Variants in HMCN1 observed in about 807,000 individuals in gnomAD.
The protein encoded by HMCN1 is hemicentin 1, also known as hemicentin-1.
HMCN1 carries 321 observed loss-of-function variants against 625.9 expected under a neutral mutation model. That is an observed-to-expected ratio of 0.51 (90% confidence interval 0.47 to 0.56). The LOEUF (loss-of-function observed/expected upper bound fraction) is 0.56. HMCN1 is among the 20% of genes least tolerant of loss of function. The pLI is 0.00. For missense variants in HMCN1, 6,588 were observed against 6,887.3 expected, an observed-to-expected ratio of 0.96 and a Z score of 1.54; for synonymous variants, 2,425 against 2,417.6, an observed-to-expected ratio of 1.00 and a Z score of -0.09.
At chr1:185,950,308 C>T (rs1189223656) in intron 11 of HMCN1, among the ~76,000 whole-genome samples, 1 of 151,616 alleles carries the variant, frequency 6.6e-6, no homozygotes, top group Admixed American at 6.6e-5. Context: ...GTTATGAGAA[C>T]TGTAGAGAGT....
At chr1:186,043,063 A>G (rs1326612815) in intron 40 of HMCN1, among the ~76,000 whole-genome samples, 1 of 152,108 alleles carries the variant, frequency 6.6e-6, no homozygotes, top group Non-Finnish European at 1.5e-5. Flanking sequence ...TTCATGTAGT[A>G]CCTTTTCTTT....
intron 80 of HMCN1, among the ~76,000 whole-genome samples, chr1:186,120,804 T>C (rs1432834870): frequency 1.3e-5 from 2 of 152,226 alleles, no homozygotes; most frequent in Non-Finnish European, 2.9e-5. Flanking sequence ...TCAACATTAA[T>C]AACTGGAAAT....
At chr1:185,905,595 A>G (rs972761274) in intron 4 of HMCN1, among the ~76,000 whole-genome samples, 2 of 151,790 alleles carry the variant, frequency 1.3e-5, no homozygotes, top group Non-Finnish European at 3.0e-5. Context: ...CTGTTCACGA[A>G]TATGTATGTA....
At chr1:185,946,518 T>G (rs1668356361) in intron 11 of HMCN1, among the ~76,000 whole-genome samples, 1 of 152,212 alleles carries the variant, frequency 6.6e-6, no homozygotes, top group Non-Finnish European at 1.5e-5. Flanking sequence ...AACTTTGGCC[T>G]TTCTGTCTTA....
intron 1 of HMCN1, among the ~76,000 whole-genome samples, chr1:185,750,517 T>A (rs1166116514): frequency 6.6e-6 from 1 of 152,138 alleles, no homozygotes; most frequent in Admixed American, 6.5e-5. Flanking sequence ...GGCTAAGGAT[T>A]GTTTTATCTT....
intron 1 of HMCN1, among the ~76,000 whole-genome samples, chr1:185,777,831 C>T (rs1027821107): frequency 6.6e-6 from 1 of 152,230 alleles, no homozygotes; most frequent in Non-Finnish European, 1.5e-5. Flanking sequence ...TAAGTGAAAT[C>T]TTGCTTCCAT....
At chr1:185,813,187 C>T (rs1242546989) in intron 1 of HMCN1, among the ~76,000 whole-genome samples, 2 of 152,086 alleles carry the variant, frequency 1.3e-5, no homozygotes, top group Non-Finnish European at 2.9e-5. Context: ...AATAAGTATA[C>T]TTACATAACT....
At chr1:185,986,142 G>T (rs535655693) in intron 19 of HMCN1, among the ~76,000 whole-genome samples, 1 of 152,158 alleles carries the variant, frequency 6.6e-6, no homozygotes, top group Non-Finnish European at 1.5e-5. Context: ...TGGCATTGTT[G>T]TTTAGGGCTG....
intron 30 of HMCN1, 124 bp from the exon 31 acceptor site, chr1:186,015,035 C>A: frequency 1.2e-6 from 1 of 838,858 alleles, no homozygotes; most frequent in Non-Finnish European, 1.9e-6. Context: ...AGGAGATAAA[C>A]CACAGACTTC....
rs769579131 is a variant in HMCN1, at chr1:186,103,678, A to G, written c.10770+10A>G. On this transcript the variant is annotated intron_variant, in intron 69 of 106. Coordinates refer to ENST00000271588, the MANE Select transcript of HMCN1 (RefSeq NM_031935.3). ...AATTTCTACTGCTCAGGTAAGTGTC[A>G]AAGTTCATAGAATTATTTTAGGTTA... The G allele has an allele frequency of 6.2e-7, 1 of 1,611,310 alleles. No homozygotes were observed.
At chr1:185,984,722 C>T (rs192482295) in intron 19 of HMCN1, among the ~76,000 whole-genome samples, 1 of 152,266 alleles carries the variant, frequency 6.6e-6, no homozygotes, top group East Asian at 1.9e-4. Context: ...TAGAAATGAC[C>T]TAAGCTTTTC....
chr1:185,836,239 C>T (rs1325908975), intron 1 of HMCN1, among the ~76,000 whole-genome samples: 1 of 152,082 alleles, frequency 6.6e-6, no homozygotes, highest in Non-Finnish European at 1.5e-5. Flanking sequence ...TGTATGTGAT[C>T]AGGTGAAATT....
rs1477900654 is a variant in HMCN1, at chr1:185,988,186, A to G, written c.3048+642A>G. ...GTTCTGTGGTATAGTCACAAATTCT[A>G]TGTATGACTAAAAATTGTAAGACAC... On this transcript the variant is annotated intron_variant, in intron 20 of 106. Coordinates refer to ENST00000271588, the MANE Select transcript of HMCN1 (RefSeq NM_031935.3). Among the ~76,000 whole-genome samples, 22 of 152,330 alleles carry G rather than the reference A, an allele frequency of 1.4e-4. 1 individual carries two copies. Among genetic ancestry groups the G allele is most frequent in the East Asian group, 1.9e-4 (1 of 5,186 alleles).
rs759203132 is a variant in HMCN1 at position 185,865,725 on chromosome 1, T to C, written c.499-16T>C. 1 of 1,606,186 alleles carries C rather than the reference T, an allele frequency of 6.2e-7. No homozygotes were observed. The highest frequency in any genetic ancestry group is 8.5e-7 in the Non-Finnish European group (1 of 1,175,984). ...GAAACCCTTTACACTGTTTCTTTTTTTTTTTTTAATCATAGGTCGTATTTG... is the reference window on the plus strand; with the variant it reads ...GAAACCCTTTACACTGTTTCTTTTTCTTTTTTTAATCATAGGTCGTATTTG... On this transcript the variant is annotated splice_polypyrimidine_tract_variant and intron_variant, in intron 3 of 106. Coordinates refer to ENST00000271588, the MANE Select transcript of HMCN1 (RefSeq NM_031935.3).
intron 97 of HMCN1, among the ~76,000 whole-genome samples, chr1:186,158,072 T>C (rs1282014281): frequency 2.8e-5 from 4 of 143,838 alleles, no homozygotes; most frequent in Non-Finnish European, 3.1e-5. Flanking sequence ...GTAAAAGTGT[T>C]CCTATTTCTC....
intron 1 of HMCN1, among the ~76,000 whole-genome samples, chr1:185,838,533 TG>T (rs1279385192): frequency 6.6e-6 from 1 of 152,174 alleles, no homozygotes; most frequent in Non-Finnish European, 1.5e-5. Context: ...GAGTTGGGCC[TG>T]GGCATCTAGG....
At chr1:185,933,396 C>T (rs1667650190) in intron 10 of HMCN1, among the ~76,000 whole-genome samples, 153 bp from the exon 11 acceptor site, 1 of 152,134 alleles carries the variant, frequency 6.6e-6, no homozygotes, top group African/African-American at 2.4e-5. Flanking sequence ...TTTGAGGGGG[C>T]TCATAGACAT....
At chr1:185,740,975 T>C (rs1036649608) in intron 1 of HMCN1, among the ~76,000 whole-genome samples, 1 of 151,998 alleles carries the variant, frequency 6.6e-6, no homozygotes, top group Non-Finnish European at 1.5e-5. Flanking sequence ...GCCTGGGCAA[T>C]AGAGGAAGAC....
chr1:186,039,561 A>G (rs1414790521), intron 38 of HMCN1, among the ~76,000 whole-genome samples, 167 bp from the exon 39 acceptor site: 1 of 152,152 alleles, frequency 6.6e-6, no homozygotes, highest in African/African-American at 2.4e-5. Flanking sequence ...ATCTCACAGG[A>G]TGGCTGTGAT....
Sources: gnomAD v4.1 joint callset for allele counts (sites outside exome capture counted in the v4.1 genomes callset) on GRCh38, gnomAD v4.1.1 for gene constraint, MANE v1.5 for transcripts, NCBI Gene and HGNC (gene_info 2026-07-23, HGNC 2026-07-21) for gene names.